The following CSPG5 variants were observed in gnomAD, a reference collection of about 807,000 sequenced individuals.
CSPG5 encodes the protein acidic leucine-rich EGF-like domain-containing brain protein.
In CSPG5, 25 loss-of-function variants were observed where a neutral mutation model predicts 39.8. That is an observed-to-expected ratio of 0.63 (90% confidence interval 0.46 to 0.88). The LOEUF (loss-of-function observed/expected upper bound fraction) is 0.88. Among genes scored for constraint, CSPG5 ranks in the 40% least tolerant of loss-of-function variants. The pLI is 0.00. For missense variants in CSPG5, 627 were observed against 702.2 expected (o/e 0.89, Z 1.21); for synonymous variants, 295 against 303.9 (o/e 0.97, Z 0.31).
chr3:47,567,338 T>C (rs148197921), intron 4 of CSPG5, among the ~76,000 whole-genome samples: 1 of 152,292 alleles, frequency 6.6e-6, no homozygotes, highest in East Asian at 1.9e-4. Flanking sequence ...ATTCAGCAAG[T>C]GGTAACTGTG....
At chr3:47,566,104 T>C (rs2031288756) in intron 4 of CSPG5, among the ~76,000 whole-genome samples, 1 of 152,256 alleles carries the variant, frequency 6.6e-6, no homozygotes, top group African/African-American at 2.4e-5. Flanking sequence ...CCAGACTTTT[T>C]TGCTTGCAAT....
chr3:47,578,084 G>A lies in CSPG5; in HGVS notation c.98-156C>T. On this transcript the variant is annotated intron_variant, in intron 1 of 4. Coordinates refer to ENST00000264723, the MANE Select transcript of CSPG5 (RefSeq NM_006574.4). This position sits in a 1 kb window ranked among gnomAD's most constrained non-coding sequence, Gnocchi z 6.0. ...CGCCCCAGTGTGACCCCAGCCACCC[G>A]GTACCTCTAAGCCCCGTCCCGGAGT... The A allele has an allele frequency of 8.7e-7, 1 of 1,154,414 alleles. No individual in the cohort carries two copies. Among genetic ancestry groups the A allele is most frequent in the Non-Finnish European group, 1.1e-6 (1 of 902,390 alleles). The allele number at this position is 1,154,414 out of a possible 1,614,324, so 71.5% of individuals were successfully genotyped here.
At chr3:47,576,711 C>CA in intron 2 of CSPG5, 122 bp downstream of exon 2, 1 of 1,147,926 alleles carries the variant, frequency 8.7e-7, no homozygotes, top group Non-Finnish European at 1.2e-6. Context: ...CCGCCTGCCT[C>CA]AGCCTCCCAA....
At chr3:47,564,148 G>A (rs1200359840) in intron 4 of CSPG5, among the ~76,000 whole-genome samples, 1 of 152,170 alleles carries the variant, frequency 6.6e-6, no homozygotes, top group African/African-American at 2.4e-5. Flanking sequence ...AGCTAGCTAA[G>A]GCCATTCTTG....
At position 47,576,858 on chromosome 3, in the gene CSPG5, C is replaced by T. The variant is rs2031758388; in HGVS notation, c.1168G>A (p.Val390Met). Residue 390 changes from valine to methionine, a missense_variant, in exon 2 of 5, where the codon GTG (valine) becomes ATG (methionine). Coordinates refer to ENST00000264723, the MANE Select transcript of CSPG5 (RefSeq NM_006574.4). ...YCHNGGQCYL[V>M]ENIGAFCRCN... is the part of the protein sequence containing the mutation. Reference sequence around the variant, plus strand: ...CTGCAGAAGGCCCCTATGTTCTCCACCAGGTAGCACTGGCCGCCATTGTGA... The same window carrying T: ...CTGCAGAAGGCCCCTATGTTCTCCATCAGGTAGCACTGGCCGCCATTGTGA... 1 of 1,571,748 alleles carries T rather than the reference C, an allele frequency of 6.4e-7. No individual in the cohort carries two copies. The highest frequency in any genetic ancestry group is 2.2e-5 in the East Asian group (1 of 44,446).
chr3:47,579,502 C>T (rs2031915316), upstream of CSPG5: 1 of 152,366 alleles, frequency 6.6e-6, no homozygotes, highest in Non-Finnish European at 1.5e-5. The surrounding 1 kb of genome is among the most constrained non-coding windows in gnomAD (Gnocchi z 4.2). Context: ...CTAGATCTCG[C>T]ACAGCCAGGC....
At chr3:47,574,750 T>C (rs1170593260) in intron 2 of CSPG5, among the ~76,000 whole-genome samples, 1 of 152,084 alleles carries the variant, frequency 6.6e-6, no homozygotes, top group Non-Finnish European at 1.5e-5. Flanking sequence ...CCATCCTGGC[T>C]AACACAGTGA....
At chr3:47,575,469 G>C (rs764395091) in intron 2 of CSPG5, among the ~76,000 whole-genome samples, 1 of 152,228 alleles carries the variant, frequency 6.6e-6, no homozygotes, top group Non-Finnish European at 1.5e-5. Context: ...TGTGAGGACA[G>C]TTCCTAAGAG....
intron 2 of CSPG5, 25 bp downstream of exon 2, chr3:47,576,808 A>T: frequency 6.5e-7 from 1 of 1,533,458 alleles, no homozygotes; most frequent in Non-Finnish European, 8.8e-7. Flanking sequence ...CAGTGTCCCT[A>T]TGCACCTGCC....
intron 3 of CSPG5, among the ~76,000 whole-genome samples, chr3:47,571,445 C>T (rs886589999): frequency 6.6e-6 from 1 of 152,252 alleles, no homozygotes; most frequent in Non-Finnish European, 1.5e-5. Context: ...AGTCCCATCT[C>T]CTGCCCCCTG....
Position 47,562,771 on chromosome 3 carries a change from G to A in CSPG5, c.1459-10C>T, listed in dbSNP as rs969186915. ...GAGCACTAGGATCATCCTGGAAGAGGGAAAAAGTTGGGGGGGGGGAGACAA... is the reference window on the plus strand; with the variant it reads ...GAGCACTAGGATCATCCTGGAAGAGAGAAAAAGTTGGGGGGGGGGAGACAA... On this transcript the variant is annotated splice_polypyrimidine_tract_variant and intron_variant, in intron 4 of 4. Transcript: ENST00000264723. The A allele has an allele frequency of 3.1e-6, 5 of 1,590,998 alleles. No individual in the cohort carries two copies. Among genetic ancestry groups the A allele is most frequent in the Non-Finnish European group, 3.4e-6 (4 of 1,166,228 alleles).
chr3:47,576,435 T>C (rs887231586), intron 2 of CSPG5, among the ~76,000 whole-genome samples: 1 of 151,642 alleles, frequency 6.6e-6, no homozygotes, highest in Non-Finnish European at 1.5e-5. Flanking sequence ...AAGTTGTGCC[T>C]GTCACGCTGC....
Position 47,569,135 on chromosome 3 carries a change from T to C in CSPG5, c.1458+17A>G. The C allele has an allele frequency of 1.2e-6, 2 of 1,606,710 alleles. No individual in the cohort carries two copies. Among genetic ancestry groups the C allele is most frequent in the South Asian group, 2.2e-5 (2 of 90,108 alleles). On this transcript the variant is annotated intron_variant, in intron 4 of 4. Transcript: ENST00000264723. ...ATGGGGGGAGGAGGTACGGGGAGTG[T>C]TGCAAAGTTTCCTTACATTTGGGTG...
At position 47,577,670 on chromosome 3, in the gene CSPG5, T is replaced by A; in HGVS notation, c.356A>T (p.Asp119Val). 1 of 1,600,378 alleles carries A rather than the reference T, an allele frequency of 6.2e-7. No homozygotes were observed. Among genetic ancestry groups the A allele is most frequent in the South Asian group, 1.1e-5 (1 of 89,192 alleles). Residue 119 changes from aspartate (D) to valine (V), a missense_variant, in exon 2 of 5, where the codon GAT (aspartate) becomes GTT (valine). Transcript: ENST00000264723. The surrounding 1 kb of genome is among the most constrained non-coding windows in gnomAD (Gnocchi z 4.7). ...GGVTAEAGSG[D>V]AQALPATLQA... Reference sequence around the variant, plus strand: ...GAGCGTAGCTGGAAGGGCCTGGGCATCGCCGCTGCCCGCCTCTGCGGTCAC... The same window carrying A: ...GAGCGTAGCTGGAAGGGCCTGGGCAACGCCGCTGCCCGCCTCTGCGGTCAC...
At chr3:47,576,751 C>A (rs776851108) in intron 2 of CSPG5, 82 bp downstream of exon 2, 41 of 1,459,836 alleles carry the variant, frequency 2.8e-5, no homozygotes, top group Non-Finnish European at 3.8e-5. Flanking sequence ...TGAGCCAACG[C>A]GCCCGGCTAC....
chr3:47,578,099 C>T lies in CSPG5; in HGVS notation c.98-171G>A. The stretch of plus-strand genomic sequence containing the variant: ...CCAGCCACCCGGTACCTCTAAGCCC[C>T]GTCCCGGAGTCTGCCCCCAAGACGA... On this transcript the variant is annotated intron_variant, in intron 1 of 4. Transcript: ENST00000264723. The surrounding 1 kb of genome is among the most constrained non-coding windows in gnomAD (Gnocchi z 6.0). 9.7e-7 allele frequency: 1 copy of T among 1,034,754 alleles called. No homozygotes were observed. Among genetic ancestry groups the T allele is most frequent in the Non-Finnish European group, 1.3e-6 (1 of 799,162 alleles). 64.1% of individuals were successfully genotyped at this position (1,034,754 alleles called of 1,614,324 possible).
chr3:47,577,646 A>G lies in CSPG5; in HGVS notation c.380T>C (p.Leu127Pro). The change falls in exon 2 of 5, where the codon CTC (leucine) becomes CCC (proline). Residue 127 changes from leucine (L) to proline (P), a missense_variant. Transcript: ENST00000264723. The surrounding 1 kb of genome is among the most constrained non-coding windows in gnomAD (Gnocchi z 4.7). ...SGDAQALPAT[L>P]QAPHEVLGQS... is the part of the protein sequence containing the mutation. ...CCCGAGGACCTCGTGGGGAGCCTGG[A>G]GCGTAGCTGGAAGGGCCTGGGCATC... 1 of 1,609,028 alleles carries G rather than the reference A, an allele frequency of 6.2e-7. No homozygotes were observed. Among genetic ancestry groups the G allele is most frequent in the Non-Finnish European group, 8.5e-7 (1 of 1,178,752 alleles).
chr3:47,576,988 TGGCTCTCCTGGGCGG>T lies in CSPG5; in HGVS notation c.1023_1037del (p.Arg342_Pro346del). The T allele has an allele frequency of 9.9e-6, 16 of 1,613,652 alleles. No individual in the cohort carries two copies. The highest frequency in any genetic ancestry group is 1.4e-5 in the Non-Finnish European group (16 of 1,179,788). The stretch of plus-strand genomic sequence containing the variant: ...TTTCACTGGAGGCCAAGTCCCTGCC[TGGCTCTCCTGGGCGG>T]GGCCTGAGGGCGATGCTGCTGCCGG... On this transcript the variant is annotated inframe_deletion, in exon 2 of 5. Transcript: ENST00000264723.
chr3:47,573,604 A>G lies in CSPG5; in HGVS notation c.1194-730T>C, dbSNP rs1002623095. ...ACATTCCCAGGCTCCAACTCTTCCA[A>G]TGACATTGCTGTTTCCATGGGAACC... On this transcript the variant is annotated intron_variant, in intron 2 of 4. Transcript: ENST00000264723. 3.3e-5 allele frequency among the ~76,000 whole-genome samples: 5 copies of G among 152,262 alleles called. 1 individual carries two copies. The highest frequency in any genetic ancestry group is 3.9e-4 in the East Asian group (2 of 5,182).
Sources: allele counts gnomAD v4.1 joint callset (sites outside exome capture counted in the v4.1 genomes callset), GRCh38; gene constraint gnomAD v4.1.1; non-coding constraint Gnocchi (gnomAD v3.1); transcripts MANE v1.5; gene names NCBI Gene and HGNC (gene_info 2026-07-23, HGNC 2026-07-21).